PLGRKT: variants seen among roughly 807,000 people sequenced by gnomAD.
The protein encoded by PLGRKT is plasminogen receptor (KT).
In PLGRKT, 22 loss-of-function variants were observed where a neutral mutation model predicts 18.5. The observed-to-expected ratio is 1.19, with a 90% confidence interval of 0.85 to 1.70. The LOEUF (loss-of-function observed/expected upper bound fraction) is 1.70. Ranked by LOEUF, PLGRKT falls within the 40% of genes most tolerant of loss-of-function variation. The pLI, the probability that PLGRKT is intolerant of heterozygous loss-of-function variation, is 0.00. For synonymous variants in PLGRKT, 72 were observed against 52.8 expected, an observed-to-expected ratio of 1.36 and a Z score of -1.58; for missense variants, 235 against 174.4, an observed-to-expected ratio of 1.35 and a Z score of -1.96.
chr9:5,389,095 G>C (rs561598820), intron 3 of PLGRKT, among the ~76,000 whole-genome samples: 1 of 151,948 alleles, frequency 6.6e-6, no homozygotes, highest in South Asian at 2.1e-4. Flanking sequence ...ACTTGTGTTA[G>C]ATATTTGGAG....
intron 3 of PLGRKT, among the ~76,000 whole-genome samples, chr9:5,430,270 T>C (rs909321051): frequency 6.6e-6 from 1 of 152,220 alleles, no homozygotes; most frequent in Non-Finnish European, 1.5e-5. Context: ...CCTGACTTCA[T>C]GGGGACCAAC....
intron 3 of PLGRKT, among the ~76,000 whole-genome samples, chr9:5,396,442 C>T (rs1586724288): frequency 6.6e-6 from 1 of 151,328 alleles, no homozygotes; most frequent in Non-Finnish European, 1.5e-5. Flanking sequence ...TGTACCACCA[C>T]ACATGGCTAA....
intron 3 of PLGRKT, among the ~76,000 whole-genome samples, chr9:5,415,490 A>T (rs1467526052): frequency 1.3e-5 from 2 of 152,202 alleles, no homozygotes; most frequent in Non-Finnish European, 2.9e-5. Context: ...AAGTTCAAGA[A>T]GAAGCAGAAT....
chr9:5,363,082 AG>A (rs1192385473), intron 3 of PLGRKT, among the ~76,000 whole-genome samples: 1 of 151,926 alleles, frequency 6.6e-6, no homozygotes, highest in East Asian at 2.0e-4. Context: ...GATTGAGAGC[AG>A]GGGGACTACC....
chr9:5,378,290 C>A (rs1353961543), intron 3 of PLGRKT, among the ~76,000 whole-genome samples: 1 of 152,176 alleles, frequency 6.6e-6, no homozygotes, highest in Non-Finnish European at 1.5e-5. Context: ...CGATGAGAAC[C>A]TTCCTTCCCT....
At position 5,434,017 on chromosome 9, in the gene PLGRKT, T is replaced by G. The variant is rs529776274; in HGVS notation, c.-6-2034A>C. 2.4e-3 allele frequency among the ~76,000 whole-genome samples: 341 copies of G among 140,780 alleles called. 3 individuals carry two copies. The highest frequency in any genetic ancestry group is 8.7e-3 in the African/African-American group (319 of 36,500). The allele number at this position is 140,780 out of a possible 152,430, so 92.4% of individuals were successfully genotyped here. On this transcript the variant is annotated intron_variant, in intron 2 of 5. Transcript: ENST00000223864. ...CGTCTGGGAGGAAGTGAGGAGCGCC[T>G]CTGCCCCGTTGCCCCAAATGGGAAG...
rs199618309 is a variant in PLGRKT, at chr9:5,409,266, T to G, written c.81+22631A>C. Among the ~76,000 whole-genome samples, 26 of 151,612 alleles carry G rather than the reference T, an allele frequency of 1.7e-4. No individual in the cohort carries two copies. The East Asian group carries it at 3.3e-3, about 19-fold the overall frequency. ...GGAGATTAACATTTAAGTCAGTGGG[T>G]TGGGGAAGGCAGATCTACCCTTAAT... On this transcript the variant is annotated intron_variant, in intron 3 of 5. Transcript: ENST00000223864.
chr9:5,395,105 C>A lies in PLGRKT; in HGVS notation c.82-33217G>T, dbSNP rs867607324. ...TTTTCCTAGTGGTGAAAAGGCTTTG[C>A]AAAAAAAAAAAAACTTAATGAAAGA... On this transcript the variant is annotated intron_variant, in intron 3 of 5. Transcript: ENST00000223864. Among the ~76,000 whole-genome samples the A allele has an allele frequency of 5.3e-3, 656 of 122,732 alleles. 1 individual carries two copies. Among genetic ancestry groups the A allele is most frequent in the Admixed American group, 5.0e-3 (61 of 12,146 alleles). The allele number at this position is 122,732 out of a possible 152,430, so 80.5% of individuals were successfully genotyped here. A position where few individuals can be genotyped will look rare whatever the true frequency, so the allele number is the denominator to read the frequency against.
chr9:5,364,581 G>A (rs1273156234), intron 3 of PLGRKT, among the ~76,000 whole-genome samples: 2 of 152,176 alleles, frequency 1.3e-5, no homozygotes, highest in Non-Finnish European at 2.9e-5. Context: ...TGCTACAAAT[G>A]TGTGGCACAA....
chr9:5,363,078 G>A (rs1425457513), intron 3 of PLGRKT, among the ~76,000 whole-genome samples: 1 of 151,902 alleles, frequency 6.6e-6, no homozygotes, highest in African/African-American at 2.4e-5. Flanking sequence ...TGCGGATTGA[G>A]AGCAGGGGGA....
At chr9:5,436,847 T>G (rs991316398) in intron 1 of PLGRKT, among the ~76,000 whole-genome samples, 153 bp from the exon 2 acceptor site, 5 of 152,208 alleles carry the variant, frequency 3.3e-5, no homozygotes, top group Non-Finnish European at 7.3e-5. Flanking sequence ...CTTTCAGCTA[T>G]CTCCTCTTGC....
At chr9:5,370,403 G>A (rs537868092) in intron 3 of PLGRKT, among the ~76,000 whole-genome samples, 171 of 152,138 alleles carry the variant, frequency 1.1e-3, no homozygotes, top group Non-Finnish European at 1.9e-3. Flanking sequence ...ATAACACAAA[G>A]GCAATGACAT....
chr9:5,418,340 C>A lies in PLGRKT; in HGVS notation c.81+13557G>T. 1 of 648,180 alleles carries A rather than the reference C, an allele frequency of 1.5e-6. No homozygotes were observed. 40.2% of individuals were successfully genotyped at this position (648,180 alleles called of 1,614,324 possible). A position where few individuals can be genotyped will look rare whatever the true frequency, so the allele number is the denominator to read the frequency against. ...AATGTGCTCAACCCCTAAGTTGGCACCCACAAGAGACTTCCCTGCAGCCCT... is the reference window on the plus strand; with the variant it reads ...AATGTGCTCAACCCCTAAGTTGGCAACCACAAGAGACTTCCCTGCAGCCCT... On this transcript the variant is annotated intron_variant, in intron 3 of 5. Transcript: ENST00000223864. The surrounding 1 kb of genome is among the most constrained non-coding windows in gnomAD (Gnocchi z 4.2).
intron 3 of PLGRKT, among the ~76,000 whole-genome samples, chr9:5,385,189 T>G (rs144048586): frequency 6.6e-6 from 1 of 152,322 alleles, no homozygotes; most frequent in Non-Finnish European, 1.5e-5. Context: ...CATTTATGAA[T>G]GAATAAATGT....
intron 3 of PLGRKT, among the ~76,000 whole-genome samples, chr9:5,403,182 A>G (rs1818187970): frequency 6.6e-6 from 1 of 151,720 alleles, no homozygotes; most frequent in Non-Finnish European, 1.5e-5. Context: ...GCTTTGTTAT[A>G]CAGCGAGTTG....
At chr9:5,381,127 C>T (rs1201600991) in intron 3 of PLGRKT, among the ~76,000 whole-genome samples, 1 of 152,190 alleles carries the variant, frequency 6.6e-6, no homozygotes, top group Non-Finnish European at 1.5e-5. Flanking sequence ...TTTTAAATTA[C>T]CTAGTAACAG....
In PLGRKT at chr9:5,367,065, A is replaced by ACC. The variant is rs56895839; in HGVS notation, c.82-5178_82-5177insGG. 4.2e-3 allele frequency among the ~76,000 whole-genome samples: 619 copies of ACC among 148,604 alleles called. 5 individuals are homozygous for ACC. Among genetic ancestry groups the ACC allele is most frequent in the African/African-American group, 0.014 (561 of 39,810 alleles). ...CACACACACACACACACACACACAC[A>ACC]CACCCCTAGGAATGAAAGAAATCAG... On this transcript the variant is annotated intron_variant, in intron 3 of 5. Transcript: ENST00000223864.
chr9:5,386,458 G>C lies in PLGRKT; in HGVS notation c.82-24570C>G, dbSNP rs181603495. The stretch of plus-strand genomic sequence containing the variant: ...TGGCATCTAGTGGGTAGAGGTCAAG[G>C]ATGCTGCTGAACATCATATGATATG... On this transcript the variant is annotated intron_variant, in intron 3 of 5. Coordinates refer to ENST00000223864, the MANE Select transcript of PLGRKT (RefSeq NM_018465.4). Among the ~76,000 whole-genome samples the C allele has an allele frequency of 2.7e-3, 408 of 151,856 alleles. 1 individual carries two copies. The highest frequency in any genetic ancestry group is 7.3e-3 in the South Asian group (35 of 4,818).
chr9:5,404,667 T>C (rs1391142909), intron 3 of PLGRKT, among the ~76,000 whole-genome samples: 7 of 152,046 alleles, frequency 4.6e-5, no homozygotes, highest in African/African-American at 9.7e-5. Context: ...CCACAGCCAA[T>C]AGCATACTGA....
Sources: allele counts gnomAD v4.1 joint callset (sites outside exome capture counted in the v4.1 genomes callset), GRCh38; gene constraint gnomAD v4.1.1; non-coding constraint Gnocchi (gnomAD v3.1); transcripts MANE v1.5; gene names NCBI Gene and HGNC (gene_info 2026-07-23, HGNC 2026-07-21).